AKAP13: variants seen among roughly 807,000 people sequenced by gnomAD.
The protein encoded by AKAP13 is A-kinase anchor protein 13.
Under a neutral mutation model 264.5 loss-of-function variants are expected in AKAP13, and 80 were observed. That is an observed-to-expected ratio of 0.30 (90% CI 0.25 to 0.36). AKAP13 has a LOEUF of 0.36. AKAP13 is among the 10% of genes least tolerant of loss of function. AKAP13 has a pLI of 1.00. For missense variants in AKAP13, 3,712 were observed against 3,435.2 expected (o/e 1.08, Z -2.01); for synonymous variants, 1,380 against 1,250.2 (o/e 1.10, Z -2.19).
intron 10 of AKAP13, among the ~76,000 whole-genome samples, chr15:85,654,229 A>G (rs1189159262): frequency 2.6e-5 from 4 of 152,222 alleles, no homozygotes; most frequent in African/African-American, 7.2e-5. Context: ...CCATTTAGAT[A>G]TTTGTAACAG....
chr15:85,494,837 T>C (rs939719835), intron 2 of AKAP13, among the ~76,000 whole-genome samples: 1 of 151,984 alleles, frequency 6.6e-6, no homozygotes, highest in Non-Finnish European at 1.5e-5. Context: ...AGTTATAGTA[T>C]AAGATTCAGA....
rs1165950341 is a variant in AKAP13, at chr15:85,437,935, CTAT to C, written c.-11-47773_-11-47771del. 2.7e-5 allele frequency among the ~76,000 whole-genome samples: 4 copies of C among 148,312 alleles called. No individual in the cohort carries two copies. In the Admixed American group the frequency reaches 2.7e-4, roughly 10 times the overall value. ...ACAGGGATGCCCTCTCTCACCACTC[CTAT>C]TCAACATAGTGTTGGAAGTTCTGGC... On this transcript the variant is annotated intron_variant, in intron 1 of 36. Coordinates refer to ENST00000394518, the MANE Select transcript of AKAP13 (RefSeq NM_007200.5).
intron 1 of AKAP13, among the ~76,000 whole-genome samples, chr15:85,472,066 A>G (rs1321654870): frequency 1.3e-5 from 2 of 152,112 alleles, no homozygotes; most frequent in African/African-American, 2.4e-5. Context: ...ACATTTCATT[A>G]AATTTGTCCT....
intron 14 of AKAP13, among the ~76,000 whole-genome samples, chr15:85,680,730 A>G (rs1385075887): frequency 6.6e-6 from 1 of 152,200 alleles, no homozygotes; most frequent in South Asian, 2.1e-4. Context: ...ATAGATAAAA[A>G]TAATAACTAC....
At chr15:85,723,572 TAAAA>T (rs36104002) in intron 26 of AKAP13, among the ~76,000 whole-genome samples, 1 of 152,072 alleles carries the variant, frequency 6.6e-6, no homozygotes, top group East Asian at 1.9e-4. Flanking sequence ...AATAAGGTTT[TAAAA>T]AAACAAAGCA....
rs182632125 is a variant in AKAP13, at chr15:85,492,868, A to G, written c.33+7115A>G. Among the ~76,000 whole-genome samples, 73 of 152,256 alleles carry G rather than the reference A, an allele frequency of 4.8e-4. No homozygotes were observed. The East Asian group carries it at 0.013, about 27-fold the overall frequency. On this transcript the variant is annotated intron_variant, in intron 2 of 36. Transcript: ENST00000394518. ...AGGACACATGATGTATTCTTTTCCAATTATTGGAAGTGTTAACTTTGATAC... is the reference window on the plus strand; with the variant it reads ...AGGACACATGATGTATTCTTTTCCAGTTATTGGAAGTGTTAACTTTGATAC...
At chr15:85,620,184 T>C (rs1278522551) in intron 8 of AKAP13, 1 of 1,535,266 alleles carries the variant, frequency 6.5e-7, no homozygotes, top group African/African-American at 1.4e-5. Context: ...TAAGGGGGGC[T>C]GCACCTCATG....
At chr15:85,544,223 C>T (rs1023660312) in intron 5 of AKAP13, 6 of 566,770 alleles carry the variant, frequency 1.1e-5, no homozygotes, top group Admixed American at 6.6e-5. Context: ...TACTATTTTA[C>T]TCAAAAGTCA....
rs35509705 is a variant in AKAP13 at position 85,698,465 on chromosome 15, C to CAAAA, written c.5464+5028_5464+5031dup. 3.0e-3 allele frequency among the ~76,000 whole-genome samples: 314 copies of CAAAA among 103,864 alleles called. 3 individuals are homozygous for CAAAA. The highest frequency in any genetic ancestry group is 7.2e-3 in the African/African-American group (182 of 25,408). The allele number at this position is 103,864 out of a possible 152,430, so 68.1% of individuals were successfully genotyped here. ...GGGTGACAGAGCAAGACTCTGTCTC[C>CAAAA]AAAAAAAAAAAAAAAAAGGAGAGAG... On this transcript the variant is annotated intron_variant, in intron 17 of 36. Coordinates refer to ENST00000394518, the MANE Select transcript of AKAP13 (RefSeq NM_007200.5).
chr15:85,580,683 A>T lies in AKAP13; in HGVS notation c.2615A>T (p.His872Leu). The T allele has an allele frequency of 1.9e-6, 3 of 1,614,180 alleles. No individual in the cohort carries two copies. The highest frequency in any genetic ancestry group is 1.3e-5 in the African/African-American group (1 of 75,056). Residue 872 changes from histidine (H) to leucine (L), a missense_variant, in exon 7 of 37, where the codon CAT becomes CTT. Physicochemically the swap from His to Leu is moderately conservative, Grantham distance 99. Around this residue, in one of 3 missense-constraint regions of AKAP13, gnomAD observed 2,759 missense variants for 2,411.7 expected, o/e 1.14. Coordinates refer to ENST00000394518, the MANE Select transcript of AKAP13 (RefSeq NM_007200.5). ...NTSLTGLGGE[H>L]EGPAPPAIPE... The stretch of plus-strand genomic sequence containing the variant: ...AGTCTCACAGGACTTGGTGGAGAGC[A>T]TGAGGGTCCCGCCCCTCCAGCAATC...
At chr15:85,388,482 G>A (rs187239174) in intron 1 of AKAP13, among the ~76,000 whole-genome samples, 1 of 152,278 alleles carries the variant, frequency 6.6e-6, no homozygotes, top group East Asian at 1.9e-4. Flanking sequence ...TAATATGATG[G>A]TAGCCATAGG....
At chr15:85,731,567 ACTCAGACTTG>A (rs2088038392) in intron 30 of AKAP13, among the ~76,000 whole-genome samples, 1 of 152,092 alleles carries the variant, frequency 6.6e-6, no homozygotes, top group Non-Finnish European at 1.5e-5. Flanking sequence ...GTAATTAATT[ACTCAGACTTG>A]ATCTCTTTGG....
At chr15:85,433,229 C>T (rs984293698) in intron 1 of AKAP13, among the ~76,000 whole-genome samples, 3 of 151,376 alleles carry the variant, frequency 2.0e-5, no homozygotes, top group Non-Finnish European at 4.4e-5. Flanking sequence ...GCAACGTCCC[C>T]CCTCCAAAAC....
At chr15:85,600,442 G>A (rs142432581) in intron 8 of AKAP13, among the ~76,000 whole-genome samples, 5 of 151,850 alleles carry the variant, frequency 3.3e-5, no homozygotes, top group Non-Finnish European at 5.9e-5. Flanking sequence ...TTAAAAGTAC[G>A]AATTGTTAAA....
chr15:85,396,637 A>G (rs555208291), intron 1 of AKAP13, among the ~76,000 whole-genome samples: 2 of 152,206 alleles, frequency 1.3e-5, no homozygotes, highest in Admixed American at 6.5e-5. Flanking sequence ...ACTCCAATGT[A>G]TAATACTGTA....
chr15:85,448,261 G>A (rs953499481), intron 1 of AKAP13, among the ~76,000 whole-genome samples: 1 of 152,078 alleles, frequency 6.6e-6, no homozygotes, highest in Non-Finnish European at 1.5e-5. Context: ...GTAGATGCTG[G>A]ATATTAGACC....
intron 1 of AKAP13, among the ~76,000 whole-genome samples, chr15:85,434,767 G>C (rs2073195803): frequency 6.6e-6 from 1 of 151,876 alleles, no homozygotes; most frequent in South Asian, 2.1e-4. Flanking sequence ...GGTCCTGTCT[G>C]TTAGAAGGAA....
intron 1 of AKAP13, among the ~76,000 whole-genome samples, chr15:85,446,854 G>T (rs1271240568): frequency 1.3e-5 from 2 of 152,010 alleles, no homozygotes; most frequent in Non-Finnish European, 2.9e-5. Flanking sequence ...AATAAATGGT[G>T]TGCTCTTAAA....
chr15:85,738,334 G>A (rs2088692700), intron 33 of AKAP13, among the ~76,000 whole-genome samples: 1 of 151,888 alleles, frequency 6.6e-6, no homozygotes, highest in Admixed American at 6.6e-5. Flanking sequence ...GGAGGTTGCA[G>A]TGGGCCAAGA....
Sources: gnomAD v4.1 joint callset for allele counts (sites outside exome capture counted in the v4.1 genomes callset) on GRCh38, gnomAD v4.1.1 for gene constraint, gnomAD v4.1.1 regional missense constraint, MANE v1.5 for transcripts, NCBI Gene and HGNC (gene_info 2026-07-23, HGNC 2026-07-21) for gene names.